CLIC6: variants seen among roughly 807,000 people sequenced by gnomAD.
The protein encoded by CLIC6 is chloride intracellular channel protein 6.
Under a neutral mutation model 49.2 loss-of-function variants are expected in CLIC6, and 39 were observed. The ratio of observed to expected loss-of-function variants is 0.79; its 90% CI spans 0.61 to 1.04. The LOEUF (loss-of-function observed/expected upper bound fraction) is 1.04. CLIC6 is among the 50% of genes least tolerant of loss of function. The pLI is 0.00. For missense variants in CLIC6, 988 were observed against 993.1 expected, an observed-to-expected ratio of 0.99 and a Z score of 0.07; for synonymous variants, 446 against 433.4, an observed-to-expected ratio of 1.03 and a Z score of -0.36.
In CLIC6 at chr21:34,717,854, T is replaced by C. The variant is rs1356024292; in HGVS notation, c.*1372T>C. On this transcript the variant is annotated 3_prime_UTR_variant, in exon 6 of 6. Transcript: ENST00000349499. The stretch of plus-strand genomic sequence containing the variant: ...ACGATTCGTTTGAAAGAGAGTAAGA[T>C]GCATTAACAGAAACTATCCTGGGAT... 6.6e-6 allele frequency: 1 copy of C among 152,184 alleles called. No individual in the cohort carries two copies. The highest frequency in any genetic ancestry group is 1.5e-5 in the Non-Finnish European group (1 of 68,028). 9.4% of individuals were successfully genotyped at this position (152,184 alleles called of 1,614,324 possible). A position where few individuals can be genotyped will look rare whatever the true frequency, so the allele number is the denominator to read the frequency against.
intron 5 of CLIC6, 109 bp downstream of exon 5, chr21:34,709,647 C>G (rs2056042458): frequency 1.0e-6 from 1 of 1,003,760 alleles, no homozygotes; most frequent in Admixed American, 2.6e-5. Flanking sequence ...AATGTGGAGA[C>G]TTGGATTAAA....
In CLIC6 at chr21:34,669,360, G is replaced by T; in HGVS notation, c.-29G>T. 1 of 1,235,134 alleles carries T rather than the reference G, an allele frequency of 8.1e-7. No homozygotes were observed. Among genetic ancestry groups the T allele is most frequent in the Non-Finnish European group, 1.0e-6 (1 of 989,158 alleles). 76.5% of individuals were successfully genotyped at this position (1,235,134 alleles called of 1,614,324 possible). A position where few individuals can be genotyped will look rare whatever the true frequency, so the allele number is the denominator to read the frequency against. On this transcript the variant is annotated 5_prime_UTR_variant, in exon 1 of 6. Transcript: ENST00000349499. Reference sequence around the variant, plus strand: ...ACCCTTAAGCAGCGTCAAGGAAGGAGTCCCGATCAAGGACAGGGATCTGCG... The same window carrying T: ...ACCCTTAAGCAGCGTCAAGGAAGGATTCCCGATCAAGGACAGGGATCTGCG...
chr21:34,700,392 A>C (rs1343485921), intron 1 of CLIC6, among the ~76,000 whole-genome samples: 1 of 131,478 alleles, frequency 7.6e-6, no homozygotes, highest in Admixed American at 7.3e-5. Context: ...GCTTGCAGTG[A>C]GCCGAGATCG....
At chr21:34,711,639 T>A (rs2056057681) in intron 5 of CLIC6, among the ~76,000 whole-genome samples, 1 of 152,002 alleles carries the variant, frequency 6.6e-6, no homozygotes. Flanking sequence ...CCCTGGTGAC[T>A]CTGCTTCATT....
chr21:34,688,101 T>A (rs141686725), intron 1 of CLIC6, among the ~76,000 whole-genome samples: 1 of 152,352 alleles, frequency 6.6e-6, no homozygotes, highest in East Asian at 1.9e-4. Flanking sequence ...TAGGCCTTGC[T>A]GCAATGATGA....
chr21:34,704,754 T>A (rs2056002821), intron 1 of CLIC6, among the ~76,000 whole-genome samples: 1 of 152,228 alleles, frequency 6.6e-6, no homozygotes, highest in South Asian at 2.1e-4. Flanking sequence ...ACCGGCTTTA[T>A]TCCCCCTAAA....
chr21:34,684,355 C>T (rs1989836682), intron 1 of CLIC6, among the ~76,000 whole-genome samples: 1 of 152,102 alleles, frequency 6.6e-6, no homozygotes, highest in Non-Finnish European at 1.5e-5. Flanking sequence ...GCAGGCTGGG[C>T]AGTGACAACA....
At chr21:34,715,140 A>T (rs60010589) in intron 5 of CLIC6, among the ~76,000 whole-genome samples, 25,417 of 152,196 alleles carry the variant, frequency 0.17, 2,318 homozygotes, top group African/African-American at 0.21. Context: ...TCATGCAGAC[A>T]TCCTGGGAAC....
intron 1 of CLIC6, among the ~76,000 whole-genome samples, chr21:34,671,483 G>A (rs1989566875): frequency 6.6e-6 from 1 of 152,196 alleles, no homozygotes; most frequent in Non-Finnish European, 1.5e-5. Flanking sequence ...CACATGGGAA[G>A]AGAGCAAGGA....
chr21:34,669,775 C>T lies in CLIC6; in HGVS notation c.387C>T (p.Pro129=), dbSNP rs1989495548. ...GEPRGEAQRE[P]EDSAAPERQE... ...CCCGCGGGGAGGCTCAGAGGGAGCCCGAGGACTCTGCGGCCCCCGAGAGGC... is the reference window on the plus strand; with the variant it reads ...CCCGCGGGGAGGCTCAGAGGGAGCCTGAGGACTCTGCGGCCCCCGAGAGGC... Residue 129 remains proline (P), a synonymous_variant, in exon 1 of 6, where the codon CCC becomes CCT. Transcript: ENST00000349499. 2 of 1,422,084 alleles carry T rather than the reference C, an allele frequency of 1.4e-6. No individual in the cohort carries two copies. Among genetic ancestry groups the T allele is most frequent in the Middle Eastern group, 2.6e-4 (1 of 3,866 alleles). 88.1% of individuals were successfully genotyped at this position (1,422,084 alleles called of 1,614,324 possible). A position where few individuals can be genotyped will look rare whatever the true frequency, so the allele number is the denominator to read the frequency against.
intron 1 of CLIC6, among the ~76,000 whole-genome samples, chr21:34,671,121 TAAAAAAAA>T (rs58413747): frequency 1.6e-4 from 18 of 115,984 alleles, no homozygotes; most frequent in African/African-American, 6.0e-4. Flanking sequence ...ACTAAAAAGT[TAAAAAAAA>T]AAAAAAAAAA....
At position 34,670,770 on chromosome 21, in the gene CLIC6, T is replaced by C. The variant is rs1989548469; in HGVS notation, c.1374+8T>C. On this transcript the variant is annotated splice_region_variant and intron_variant, in intron 1 of 5. Coordinates refer to ENST00000349499, the MANE Select transcript of CLIC6 (RefSeq NM_053277.3). ...ATCACCCTCTTCGTCAAGGTAAAGC[T>C]CGCTTCCCTCAATTCTTAGGACGAC... is the stretch of plus-strand genomic sequence containing the variant. 1.3e-6 allele frequency: 2 copies of C among 1,595,238 alleles called. No homozygotes were observed. The highest frequency in any genetic ancestry group is 1.7e-6 in the Non-Finnish European group (2 of 1,176,690).
chr21:34,709,543 A>C lies in CLIC6; in HGVS notation c.1899+5A>C. ...CCCAAGCTCCATATTATTAAGGTTCATCTTCCCTCCCGACACGTGTGCCGA... is the reference window on the plus strand; with the variant it reads ...CCCAAGCTCCATATTATTAAGGTTCCTCTTCCCTCCCGACACGTGTGCCGA... On this transcript the variant is annotated splice_donor_5th_base_variant and intron_variant, in intron 5 of 5. Coordinates refer to ENST00000349499, the MANE Select transcript of CLIC6 (RefSeq NM_053277.3). 6.2e-7 allele frequency: 1 copy of C among 1,613,308 alleles called. No individual in the cohort carries two copies. The highest frequency in any genetic ancestry group is 2.2e-5 in the East Asian group (1 of 44,880).
chr21:34,686,534 A>G lies in CLIC6; in HGVS notation c.1374+15772A>G, dbSNP rs367588140. On this transcript the variant is annotated intron_variant, in intron 1 of 5. Transcript: ENST00000349499. ...TACTCCTATTAAGAAGTGAGGTTTG[A>G]TTCTCCTCCCTCTGAATCTGGCCTG... Among the ~76,000 whole-genome samples the G allele has an allele frequency of 2.6e-5, 4 of 152,148 alleles. No homozygotes were observed. In the East Asian group the frequency reaches 5.8e-4, roughly 22 times the overall value.
Position 34,686,576 on chromosome 21 carries a change from C to T in CLIC6, c.1374+15814C>T, listed in dbSNP as rs189036651. On this transcript the variant is annotated intron_variant, in intron 1 of 5. Transcript: ENST00000349499. ...TCTGGCCTGACCTTAGTGACTACTT[C>T]GTAACCAGCAGAATATAGTGGACGT... 9.2e-5 allele frequency among the ~76,000 whole-genome samples: 14 copies of T among 152,278 alleles called. No homozygotes were observed. In the East Asian group the frequency reaches 2.1e-3, roughly 23 times the overall value.
intron 1 of CLIC6, 25 bp from the exon 2 acceptor site, chr21:34,707,255 T>C (rs374859521): frequency 1.4e-5 from 21 of 1,553,000 alleles, no homozygotes; most frequent in African/African-American, 2.7e-5. Context: ...CTGGCTCAGA[T>C]AGAAATCTCC....
At position 34,716,862 on chromosome 21, in the gene CLIC6, T is replaced by TCACACACACACACACACACACA. The variant is rs10541127; in HGVS notation, c.*397_*418dup. On this transcript the variant is annotated 3_prime_UTR_variant, in exon 6 of 6. Transcript: ENST00000349499. ...CTCTCTCTCTCTCTCTCTCTCTCTATCACACACACACACACACACACACAC... is the reference window on the plus strand; with the variant it reads ...CTCTCTCTCTCTCTCTCTCTCTCTATCACACACACACACACACACACACACACACACACACACACACACACAC... 1.5e-5 allele frequency: 2 copies of TCACACACACACACACACACACA among 131,726 alleles called. No individual in the cohort carries two copies. Among genetic ancestry groups the TCACACACACACACACACACACA allele is most frequent in the African/African-American group, 6.4e-5 (2 of 31,302 alleles). 8.2% of individuals were successfully genotyped at this position (131,726 alleles called of 1,614,324 possible). A position where few individuals can be genotyped will look rare whatever the true frequency, so the allele number is the denominator to read the frequency against.
rs1187579593 is a variant in CLIC6 at position 34,669,871 on chromosome 21, C to T, written c.483C>T (p.Asp161=). 2 of 1,324,118 alleles carry T rather than the reference C, an allele frequency of 1.5e-6. No homozygotes were observed. Among genetic ancestry groups the T allele is most frequent in the Non-Finnish European group, 1.9e-6 (2 of 1,035,738 alleles). 82.0% of individuals were successfully genotyped at this position (1,324,118 alleles called of 1,614,324 possible). A position where few individuals can be genotyped will look rare whatever the true frequency, so the allele number is the denominator to read the frequency against. The change falls in exon 1 of 6, where the codon GAC becomes GAT. Residue 161 remains aspartate, a synonymous_variant. Transcript: ENST00000349499. ...CCGGGGAGGCGGGGGACAGCGTAGA[C>T]GCGGAGGGCCCGCTGGGGGACAACA... is the stretch of plus-strand genomic sequence containing the variant. ...SASGEAGDSV[D]AEGPLGDNIE...
intron 1 of CLIC6, among the ~76,000 whole-genome samples, chr21:34,689,760 C>A (rs568313929): frequency 6.6e-6 from 1 of 152,030 alleles, no homozygotes; most frequent in African/African-American, 2.4e-5. Flanking sequence ...CTGGGGACTG[C>A]GGCTGCTGAA....
Sources: gnomAD v4.1 joint callset for allele counts (sites outside exome capture counted in the v4.1 genomes callset) on GRCh38, gnomAD v4.1.1 for gene constraint, MANE v1.5 for transcripts, NCBI Gene and HGNC (gene_info 2026-07-23, HGNC 2026-07-21) for gene names.